ACYP2: variants seen among roughly 807,000 people sequenced by gnomAD.
The protein encoded by ACYP2 is acylphosphatase 2.
In ACYP2, 12 loss-of-function variants were observed where a neutral mutation model predicts 11.2. The observed-to-expected ratio is 1.08, with a 90% confidence interval of 0.69 to 1.74. The LOEUF is 1.74. ACYP2 is among the 40% of genes most tolerant of loss of function. ACYP2 has a pLI of 0.00. For missense variants in ACYP2, 134 were observed against 101.9 expected, an observed-to-expected ratio of 1.31 and a Z score of -1.35; for synonymous variants, 43 against 32.2, an observed-to-expected ratio of 1.33 and a Z score of -1.13.
chr2:54,234,547 T>C (rs1045786722), intron 6 of ACYP2, among the ~76,000 whole-genome samples: 2 of 152,268 alleles, frequency 1.3e-5, no homozygotes, highest in Non-Finnish European at 2.9e-5. Context: ...TTTTGGCACC[T>C]ACCAAGTGGA....
At chr2:54,274,382 T>G (rs1688451390) in intron 6 of ACYP2, among the ~76,000 whole-genome samples, 1 of 152,098 alleles carries the variant, frequency 6.6e-6, no homozygotes, top group South Asian at 2.1e-4. Flanking sequence ...CCATATCAAC[T>G]GTAATCCCAG....
intron 4 of ACYP2, among the ~76,000 whole-genome samples, chr2:54,075,329 T>C (rs1677271288): frequency 6.6e-6 from 1 of 151,982 alleles, no homozygotes; most frequent in African/African-American, 2.4e-5. Context: ...TGAAACCCCG[T>C]TTCTACTAAA....
chr2:54,256,094 G>T (rs779978634), intron 6 of ACYP2: 1 of 1,614,136 alleles, frequency 6.2e-7, no homozygotes, highest in African/African-American at 1.3e-5. Flanking sequence ...CCCTGGTGCG[G>T]GTCTTCCAGA....
chr2:54,107,333 C>A (rs569523424), intron 4 of ACYP2, among the ~76,000 whole-genome samples: 150 of 152,172 alleles, frequency 9.9e-4, no homozygotes, highest in African/African-American at 3.4e-3. Context: ...CTTTCAACAG[C>A]AATTTATTTT....
At chr2:54,206,285 A>C (rs1685067219) in intron 6 of ACYP2, among the ~76,000 whole-genome samples, 2 of 152,328 alleles carry the variant, frequency 1.3e-5, no homozygotes, top group East Asian at 3.9e-4. Flanking sequence ...AATATTCATA[A>C]TGAATGACAT....
At chr2:54,013,169 C>A (rs1673473878) in intron 2 of ACYP2, among the ~76,000 whole-genome samples, 1 of 130,400 alleles carries the variant, frequency 7.7e-6, no homozygotes, top group South Asian at 3.2e-4. Context: ...TGCCCCCACC[C>A]CCCGCCCCAG....
At chr2:54,028,087 C>T (rs535252581) in intron 2 of ACYP2, among the ~76,000 whole-genome samples, 1 of 152,118 alleles carries the variant, frequency 6.6e-6, no homozygotes, top group African/African-American at 2.4e-5. Context: ...AGGTGATCTG[C>T]GTACCTTGGC....
At chr2:54,115,440 C>T (rs952466446) in intron 4 of ACYP2, 175 bp from the exon 1 acceptor site, 1 of 833,266 alleles carries the variant, frequency 1.2e-6, no homozygotes, top group Middle Eastern at 3.7e-4. Context: ...CAGCATCCTC[C>T]CCAGTCCGGG....
At chr2:54,255,597 C>A in intron 6 of ACYP2, 1 of 1,613,508 alleles carries the variant, frequency 6.2e-7, no homozygotes, top group Non-Finnish European at 8.5e-7. Flanking sequence ...GCCCTGCCTC[C>A]CTGTTTACCT....
At chr2:53,971,747 C>T (rs897778616) in intron 1 of ACYP2, among the ~76,000 whole-genome samples, 2 of 152,148 alleles carry the variant, frequency 1.3e-5, no homozygotes, top group African/African-American at 4.8e-5. Flanking sequence ...TGTCATTTTC[C>T]TAGAAGTGAT....
chr2:54,062,972 A>T (rs1262501930), intron 4 of ACYP2, among the ~76,000 whole-genome samples: 1 of 152,210 alleles, frequency 6.6e-6, no homozygotes, highest in East Asian at 1.9e-4. Flanking sequence ...TCCCATATTC[A>T]GATACCTTCA....
intron 6 of ACYP2, among the ~76,000 whole-genome samples, chr2:54,174,935 A>G (rs1683376201): frequency 6.6e-6 from 1 of 152,156 alleles, no homozygotes; most frequent in Non-Finnish European, 1.5e-5. Flanking sequence ...CTTTGCCAGT[A>G]TTTTATTGAG....
chr2:54,274,497 C>G (rs540602222), intron 6 of ACYP2, among the ~76,000 whole-genome samples: 1 of 151,712 alleles, frequency 6.6e-6, no homozygotes, highest in African/African-American at 2.4e-5. Flanking sequence ...AAAAATTAAC[C>G]AGGTACGGTG....
In ACYP2 at chr2:54,069,181, C is replaced by G. The variant is rs1346984872; in HGVS notation, c.277+11821C>G. Among the ~76,000 whole-genome samples the G allele has an allele frequency of 2.6e-5, 4 of 152,074 alleles. No individual in the cohort carries two copies. The East Asian group carries it at 7.7e-4, about 29-fold the overall frequency. Reference sequence around the variant, plus strand: ...CCTGGCCTCAAACAATCCGCCTGCCCAGGCCTCCCGAAGTGCTGGGATTAC... The same window carrying G: ...CCTGGCCTCAAACAATCCGCCTGCCGAGGCCTCCCGAAGTGCTGGGATTAC... On this transcript the variant is annotated intron_variant, in intron 4 of 6. Coordinates refer to ENST00000607452, the MANE Select transcript of ACYP2 (RefSeq NM_001320586.2).
At chr2:54,252,785 T>G (rs1219247969) in intron 6 of ACYP2, among the ~76,000 whole-genome samples, 1 of 152,000 alleles carries the variant, frequency 6.6e-6, no homozygotes. Context: ...GCACCTGTAG[T>G]CCCAGCTACT....
chr2:54,256,193 G>A (rs765017504), intron 6 of ACYP2: 3 of 1,553,910 alleles, frequency 1.9e-6, no homozygotes, highest in South Asian at 2.4e-5. Context: ...GGCCAGGCCA[G>A]AGGTAGGTAG....
intron 2 of ACYP2, among the ~76,000 whole-genome samples, chr2:53,996,571 C>G (rs1439216359): frequency 6.6e-6 from 1 of 152,172 alleles, no homozygotes; most frequent in Non-Finnish European, 1.5e-5. Context: ...GTTAATGCTG[C>G]CATGATCAGC....
intron 2 of ACYP2, among the ~76,000 whole-genome samples, chr2:53,992,329 A>G (rs1216170675): frequency 6.6e-6 from 1 of 152,186 alleles, no homozygotes; most frequent in Non-Finnish European, 1.5e-5. Flanking sequence ...GGAAACCTAT[A>G]GACAAGTTTT....
At chr2:54,221,460 A>G (rs1685797416) in intron 6 of ACYP2, among the ~76,000 whole-genome samples, 1 of 151,536 alleles carries the variant, frequency 6.6e-6, no homozygotes, top group Non-Finnish European at 1.5e-5. Context: ...ATTATAAAAC[A>G]CCAATTATTT....
Sources: allele counts gnomAD v4.1 joint callset (sites outside exome capture counted in the v4.1 genomes callset), GRCh38; gene constraint gnomAD v4.1.1; transcripts MANE v1.5; gene names NCBI Gene and HGNC (gene_info 2026-07-23, HGNC 2026-07-21).